UTRN: variants seen among roughly 807,000 people sequenced by gnomAD.
UTRN encodes the protein utrophin, also known as dystrophin-related protein 1.
A neutral mutation model predicts 463.9 loss-of-function variants in UTRN; 283 were observed. That is an observed-to-expected ratio of 0.61 (90% CI 0.55 to 0.67). The LOEUF (loss-of-function observed/expected upper bound fraction) is 0.67, where lower values mean the gene tolerates loss of function less well. UTRN is among the 30% of genes least tolerant of loss of function. The pLI is 0.00. For synonymous variants in UTRN, 1,442 were observed against 1,431.5 expected (o/e 1.01, Z -0.17); for missense variants, 3,922 against 4,084.3 (o/e 0.96, Z 1.08).
chr6:144,727,501 A>G (rs555616900), intron 53 of UTRN, among the ~76,000 whole-genome samples: 15 of 152,286 alleles, frequency 9.8e-5, no homozygotes, highest in South Asian at 6.2e-4. Flanking sequence ...GCCCATGCCT[A>G]TAATCCCAGC....
intron 66 of UTRN, among the ~76,000 whole-genome samples, chr6:144,824,773 T>C (rs9497095): frequency 0.022 from 2,285 of 105,882 alleles, 86 homozygotes; most frequent in African/African-American, 0.07. Flanking sequence ...AAGTTGGTGG[T>C]GGGGGGGGGT....
At chr6:144,489,867 G>T (rs140751115) in intron 30 of UTRN, among the ~76,000 whole-genome samples, 1,583 of 151,562 alleles carry the variant, frequency 0.01, 23 homozygotes, top group African/African-American at 0.036. Flanking sequence ...TGATCCACCC[G>T]CCTCGGCCTC....
intron 59 of UTRN, among the ~76,000 whole-genome samples, 180 bp downstream of exon 59, chr6:144,772,148 C>T (rs1223736296): frequency 1.3e-5 from 2 of 148,882 alleles, no homozygotes. Context: ...ATTCTCCTGC[C>T]TTAGGCTCCT....
intron 35 of UTRN, among the ~76,000 whole-genome samples, chr6:144,513,004 A>G (rs1212276258): frequency 6.6e-6 from 1 of 152,176 alleles, no homozygotes; most frequent in East Asian, 1.9e-4. Context: ...GTCACACTCT[A>G]ACTTCTTGCC....
At chr6:144,691,540 T>TA (rs1370973327) in intron 52 of UTRN, among the ~76,000 whole-genome samples, 14 of 152,228 alleles carry the variant, frequency 9.2e-5, no homozygotes, top group African/African-American at 3.1e-4. Flanking sequence ...TTCAGTTACT[T>TA]AAACCCTTCC....
chr6:144,670,172 A>G (rs923994640), intron 51 of UTRN, among the ~76,000 whole-genome samples: 6 of 152,102 alleles, frequency 3.9e-5, no homozygotes, highest in East Asian at 1.9e-4. Context: ...ATCAAATGGT[A>G]GTTCTATTTT....
intron 65 of UTRN, among the ~76,000 whole-genome samples, chr6:144,812,448 A>G (rs1778705095): frequency 6.6e-6 from 1 of 152,190 alleles, no homozygotes; most frequent in South Asian, 2.1e-4. Flanking sequence ...GGGAACTTTC[A>G]GCCATGTATT....
intron 50 of UTRN, among the ~76,000 whole-genome samples, chr6:144,559,093 T>C (rs1409348147): frequency 6.7e-6 from 1 of 150,244 alleles, no homozygotes; most frequent in Non-Finnish European, 1.5e-5. Flanking sequence ...ATTTAGCACC[T>C]CCAATTCTTC....
intron 66 of UTRN, among the ~76,000 whole-genome samples, chr6:144,825,983 A>C: frequency 8.5e-6 from 1 of 117,958 alleles, no homozygotes; most frequent in Non-Finnish European, 1.7e-5. Flanking sequence ...AACATCACAC[A>C]CCGGAGACTG....
intron 52 of UTRN, among the ~76,000 whole-genome samples, chr6:144,687,178 A>G (rs1782860502): frequency 6.6e-6 from 1 of 152,082 alleles, no homozygotes; most frequent in African/African-American, 2.4e-5. Context: ...TTGGTTTACT[A>G]GTATTTTGTT....
intron 2 of UTRN, among the ~76,000 whole-genome samples, chr6:144,298,819 A>G (rs1804982158): frequency 6.6e-6 from 1 of 152,228 alleles, no homozygotes; most frequent in African/African-American, 2.4e-5. Context: ...AATAAAAAAT[A>G]TGACTTTGTG....
At chr6:144,590,584 G>A (rs1802938821) in intron 51 of UTRN, among the ~76,000 whole-genome samples, 1 of 152,166 alleles carries the variant, frequency 6.6e-6, no homozygotes, top group Non-Finnish European at 1.5e-5. Flanking sequence ...TTGAATGGCT[G>A]TCATGCATCA....
chr6:144,835,969 C>A (rs762737290), intron 70 of UTRN, 31 bp downstream of exon 70: 2 of 1,605,970 alleles, frequency 1.2e-6, no homozygotes, highest in South Asian at 2.2e-5. Flanking sequence ...GGAAATATGT[C>A]ATCCTTTCTT....
intron 10 of UTRN, 103 bp from the exon 11 acceptor site, chr6:144,437,462 T>C: frequency 1.7e-6 from 2 of 1,195,484 alleles, no homozygotes; most frequent in Admixed American, 3.1e-5. Flanking sequence ...GCTACCTTTT[T>C]CTGCATCACT....
At chr6:144,507,263 C>T (rs756666156) in intron 34 of UTRN, among the ~76,000 whole-genome samples, 16 of 151,986 alleles carry the variant, frequency 1.1e-4, no homozygotes, top group Non-Finnish European at 2.4e-4. Context: ...AAGCCTACTT[C>T]TGTCAATTCA....
At chr6:144,535,047 T>C (rs1326196520) in intron 43 of UTRN, among the ~76,000 whole-genome samples, 1 of 152,218 alleles carries the variant, frequency 6.6e-6, no homozygotes, top group Non-Finnish European at 1.5e-5. Flanking sequence ...TCAGTTTGCA[T>C]GGAGGGTCTT....
At chr6:144,555,413 T>C (rs762507144) in intron 49 of UTRN, among the ~76,000 whole-genome samples, 2 of 152,032 alleles carry the variant, frequency 1.3e-5, no homozygotes, top group Non-Finnish European at 2.9e-5. Flanking sequence ...CAGAGAGAGA[T>C]AGAAGGGAGA....
At chr6:144,577,736 CT>C (rs1801576169) in intron 51 of UTRN, among the ~76,000 whole-genome samples, 1 of 152,146 alleles carries the variant, frequency 6.6e-6, no homozygotes, top group Non-Finnish European at 1.5e-5. Flanking sequence ...ATGTCATTAG[CT>C]TGATAACTGT....
At chr6:144,771,829 C>A in intron 58 of UTRN, 78 bp from the exon 59 acceptor site, 2 of 1,154,896 alleles carry the variant, frequency 1.7e-6, no homozygotes, top group Non-Finnish European at 2.5e-6. Context: ...ATCATTTCTA[C>A]TTGGGTATTT....
Sources: allele counts gnomAD v4.1 joint callset (sites outside exome capture counted in the v4.1 genomes callset), GRCh38; gene constraint gnomAD v4.1.1; transcripts MANE v1.5; gene names NCBI Gene and HGNC (gene_info 2026-07-23, HGNC 2026-07-21).